The following B4GALT6 variants were observed in gnomAD, a reference collection of about 807,000 sequenced individuals.
B4GALT6 encodes the protein beta-1,4-galactosyltransferase 6.
B4GALT6 carries 14 observed loss-of-function variants against 46.3 expected under a neutral mutation model. The ratio of observed to expected loss-of-function variants is 0.30; its 90% CI spans 0.20 to 0.47. The LOEUF (loss-of-function observed/expected upper bound fraction) is 0.47. Ranked by LOEUF, B4GALT6 falls within the 20% of genes least tolerant of loss-of-function variation. The probability of loss-of-function intolerance (pLI) is 0.99; values close to 1 mark genes in which losing one functional copy is unlikely to be tolerated. For missense variants in B4GALT6, 386 were observed against 480.1 expected, an observed-to-expected ratio of 0.80 and a Z score of 1.83; for synonymous variants, 168 against 162.0, an observed-to-expected ratio of 1.04 and a Z score of -0.28.
the B4GALT6 span, chr18:31,719,358 A>T: frequency 6.6e-6 from 1 of 152,564 alleles, no homozygotes; most frequent in African/African-American, 2.4e-5. Context: ...GAGGCAACTC[A>T]TCTGGCAACC....
chr18:31,677,277 C>T (rs1239175467), intron 1 of B4GALT6, among the ~76,000 whole-genome samples: 3 of 152,208 alleles, frequency 2.0e-5, no homozygotes, highest in Non-Finnish European at 4.4e-5. Context: ...CATAAACATC[C>T]TTTAAGCTAA....
At chr18:31,661,856 C>T (rs892003908) in intron 2 of B4GALT6, among the ~76,000 whole-genome samples, 2 of 152,180 alleles carry the variant, frequency 1.3e-5, no homozygotes, top group African/African-American at 4.8e-5. Flanking sequence ...TCTACATTTT[C>T]ATTCAATCCT....
At chr18:31,701,637 G>A in the B4GALT6 span, among the ~76,000 whole-genome samples, 4 of 152,062 alleles carry the variant, frequency 2.6e-5, no homozygotes, top group Admixed American at 6.6e-5. Flanking sequence ...TGTTTTAAAC[G>A]TAAAAATGTA....
In B4GALT6 at chr18:31,625,360, G is replaced by A; in HGVS notation, c.*254C>T. ...TATAAAAATTTTCTCTTCGGAGGGAGCTCTCTTAACTTCCGATCTTAAGTA... is the reference window on the plus strand; with the variant it reads ...TATAAAAATTTTCTCTTCGGAGGGAACTCTCTTAACTTCCGATCTTAAGTA... On this transcript the variant is annotated 3_prime_UTR_variant, in exon 9 of 9. Coordinates refer to ENST00000306851, the MANE Select transcript of B4GALT6 (RefSeq NM_004775.5). The A allele has an allele frequency of 1.0e-5, 4 of 386,446 alleles. No homozygotes were observed. Among genetic ancestry groups the A allele is most frequent in the Non-Finnish European group, 1.8e-5 (4 of 219,876 alleles). The allele number at this position is 386,446 out of a possible 1,614,324, so 23.9% of individuals were successfully genotyped here.
At chr18:31,652,228 A>G (rs2074079840) in intron 3 of B4GALT6, among the ~76,000 whole-genome samples, 1 of 151,946 alleles carries the variant, frequency 6.6e-6, no homozygotes, top group Non-Finnish European at 1.5e-5. Context: ...GTCTACATAC[A>G]CTTCTGACGC....
At chr18:31,657,874 C>A in intron 3 of B4GALT6, 102 bp downstream of exon 3, 2 of 774,278 alleles carry the variant, frequency 2.6e-6, no homozygotes, top group South Asian at 2.1e-5. Context: ...CATTTGCACC[C>A]AGGTGCACAT....
At chr18:31,638,803 C>T in intron 4 of B4GALT6, 43 bp from the exon 5 acceptor site, 1 of 1,447,884 alleles carries the variant, frequency 6.9e-7, no homozygotes. Flanking sequence ...ATATATCTAC[C>T]ACATCCTAGA....
intron 3 of B4GALT6, among the ~76,000 whole-genome samples, chr18:31,653,800 C>G (rs1396784771): frequency 1.3e-5 from 2 of 152,136 alleles, no homozygotes; most frequent in Non-Finnish European, 2.9e-5. Context: ...CTCCAAGCTG[C>G]CACACACATG....
chr18:31,688,233 A>G (rs1476365949), upstream of B4GALT6, among the ~76,000 whole-genome samples: 1 of 150,590 alleles, frequency 6.6e-6, no homozygotes, highest in African/African-American at 2.4e-5. Flanking sequence ...ATATTTATAT[A>G]CATATAATTG....
chr18:31,662,916 G>GT (rs2074236814), intron 2 of B4GALT6, among the ~76,000 whole-genome samples: 1 of 152,208 alleles, frequency 6.6e-6, no homozygotes, highest in African/African-American at 2.4e-5. Flanking sequence ...TGTCCATCAT[G>GT]TATAACCACT....
intron 7 of B4GALT6, 46 bp downstream of exon 7, chr18:31,626,953 A>T (rs1212478477): frequency 6.6e-7 from 1 of 1,513,142 alleles, no homozygotes; most frequent in Admixed American, 1.9e-5. Flanking sequence ...AATATAAATA[A>T]GATTTATAAA....
chr18:31,626,922 G>T, intron 7 of B4GALT6, 77 bp downstream of exon 7: 1 of 1,258,214 alleles, frequency 7.9e-7, no homozygotes, highest in Non-Finnish European at 1.1e-6. Flanking sequence ...TCTTGGAATG[G>T]ATAAGTACTA....
intron 2 of B4GALT6, among the ~76,000 whole-genome samples, chr18:31,661,614 T>C (rs1393895576): frequency 1.3e-5 from 2 of 152,188 alleles, no homozygotes; most frequent in Non-Finnish European, 2.9e-5. Context: ...AAAGATGGGC[T>C]AGCTATATAG....
chr18:31,648,131 GA>G (rs1176740913), intron 3 of B4GALT6, among the ~76,000 whole-genome samples: 1 of 152,162 alleles, frequency 6.6e-6, no homozygotes, highest in Non-Finnish European at 1.5e-5. Context: ...GAGATCCACT[GA>G]ACTCCATGGA....
In B4GALT6 at chr18:31,684,528, T is replaced by A. The variant is rs942155642; in HGVS notation, c.-102A>T. 56 of 1,514,310 alleles carry A rather than the reference T, an allele frequency of 3.7e-5. No homozygotes were observed. In the African/African-American group the frequency reaches 4.4e-4, roughly 12 times the overall value. The allele number at this position is 1,514,310 out of a possible 1,614,324, so 93.8% of individuals were successfully genotyped here. ...ATAAATGTGCTGAGAACCCCGAGAC[T>A]GCAGCGGGGTCCGCGCGGGGAGGCT... On this transcript the variant is annotated 5_prime_UTR_variant, in exon 1 of 9. Coordinates refer to ENST00000306851, the MANE Select transcript of B4GALT6 (RefSeq NM_004775.5).
rs777843623 is a variant in B4GALT6, at chr18:31,684,461, C to A, written c.-35G>T. On this transcript the variant is annotated 5_prime_UTR_variant, in exon 1 of 9. Coordinates refer to ENST00000306851, the MANE Select transcript of B4GALT6 (RefSeq NM_004775.5). Reference sequence around the variant, plus strand: ...CCCTGCCAGCAGCCCAGGCTGCGCTCTCAGGCCGGACTCGGGGCCACTGTC... The same window carrying A: ...CCCTGCCAGCAGCCCAGGCTGCGCTATCAGGCCGGACTCGGGGCCACTGTC... 3 of 1,606,514 alleles carry A rather than the reference C, an allele frequency of 1.9e-6. No homozygotes were observed. The highest frequency in any genetic ancestry group is 2.6e-6 in the Non-Finnish European group (3 of 1,176,350).
the B4GALT6 span, among the ~76,000 whole-genome samples, chr18:31,712,708 T>C: frequency 6.6e-6 from 1 of 152,236 alleles, no homozygotes; most frequent in African/African-American, 2.4e-5. Context: ...TTGGTTGTGC[T>C]CACATTTACA....
Position 31,623,714 on chromosome 18 carries a change from T to C in B4GALT6, c.*1900A>G, listed in dbSNP as rs1334305288. 1 of 152,136 alleles carries C rather than the reference T, an allele frequency of 6.6e-6. No homozygotes were observed. Among genetic ancestry groups the C allele is most frequent in the Non-Finnish European group, 1.5e-5 (1 of 67,868 alleles). The allele number at this position is 152,136 out of a possible 1,614,324, so 9.4% of individuals were successfully genotyped here. On this transcript the variant is annotated 3_prime_UTR_variant, in exon 9 of 9. Coordinates refer to ENST00000306851, the MANE Select transcript of B4GALT6 (RefSeq NM_004775.5). Reference sequence around the variant, plus strand: ...TGGAAATAGTTCTAAGAAATAAATATGAAAATATTTTGTTTGGTATCATAA... The same window carrying C: ...TGGAAATAGTTCTAAGAAATAAATACGAAAATATTTTGTTTGGTATCATAA...
chr18:31,691,616 A>G, the B4GALT6 span, among the ~76,000 whole-genome samples: 1 of 152,112 alleles, frequency 6.6e-6, no homozygotes, highest in Admixed American at 6.5e-5. Context: ...TTCATTTATT[A>G]TCATATTTAA....
Sources: gnomAD v4.1 joint callset for allele counts (sites outside exome capture counted in the v4.1 genomes callset) on GRCh38, gnomAD v4.1.1 for gene constraint, MANE v1.5 for transcripts, NCBI Gene and HGNC (gene_info 2026-07-23, HGNC 2026-07-21) for gene names.